Variants in VEPH1 observed in about 807,000 individuals in gnomAD.
VEPH1 encodes the protein ventricular zone expressed PH domain containing 1.
VEPH1 carries 80 observed loss-of-function variants against 85.2 expected under a neutral mutation model. The ratio of observed to expected loss-of-function variants is 0.94; its 90% CI spans 0.78 to 1.13. The LOEUF (loss-of-function observed/expected upper bound fraction) is 1.13, where lower values mean the gene tolerates loss of function less well. VEPH1 is among the 50% of genes most tolerant of loss of function. VEPH1 has a pLI of 0.00. For missense variants in VEPH1, 955 were observed against 980.5 expected (o/e 0.97, Z 0.35); for synonymous variants, 297 against 348.0 (o/e 0.85, Z 1.63).
At chr3:157,394,315 A>C (rs1272736074) in intron 6 of VEPH1, among the ~76,000 whole-genome samples, 1 of 152,248 alleles carries the variant, frequency 6.6e-6, no homozygotes, top group Non-Finnish European at 1.5e-5. Context: ...AGGCAAGTGC[A>C]ATAATATAGT....
intron 2 of VEPH1, among the ~76,000 whole-genome samples, chr3:157,472,535 T>C (rs1737062248): frequency 6.6e-6 from 1 of 152,208 alleles, no homozygotes; most frequent in South Asian, 2.1e-4. Flanking sequence ...ACTTTTATTT[T>C]AAGTTCAGGG....
chr3:157,438,571 G>C (rs1195437139), intron 4 of VEPH1, among the ~76,000 whole-genome samples: 2 of 152,120 alleles, frequency 1.3e-5, no homozygotes, highest in Non-Finnish European at 2.9e-5. Flanking sequence ...TGCGGTTTGG[G>C]ATTCAGCGTG....
intron 9 of VEPH1, among the ~76,000 whole-genome samples, chr3:157,339,566 A>T (rs2108639274): frequency 6.6e-6 from 1 of 152,222 alleles, no homozygotes; most frequent in South Asian, 2.1e-4. Context: ...TTCACTGGGG[A>T]CACCTCAACC....
At chr3:157,388,722 C>T (rs1483282961) in intron 6 of VEPH1, among the ~76,000 whole-genome samples, 11 of 151,902 alleles carry the variant, frequency 7.2e-5, no homozygotes, top group East Asian at 1.9e-4. Context: ...AACAATATAA[C>T]GATAAAAATA....
chr3:157,488,448 A>T (rs1738861459), intron 2 of VEPH1, among the ~76,000 whole-genome samples: 1 of 151,838 alleles, frequency 6.6e-6, no homozygotes, highest in Non-Finnish European at 1.5e-5. Context: ...CTTTCCTTGC[A>T]ACAGCTTATT....
chr3:157,313,525 A>G, intron 11 of VEPH1, 96 bp downstream of exon 11: 2 of 1,398,460 alleles, frequency 1.4e-6, no homozygotes. Flanking sequence ...AGGTAAACGA[A>G]AGAAGGATGA....
Position 157,292,720 on chromosome 3 carries a change from A to G in VEPH1, c.2011-6046T>C, listed in dbSNP as rs1366655447. Among the ~76,000 whole-genome samples, 3 of 150,786 alleles carry G rather than the reference A, an allele frequency of 2.0e-5. No homozygotes were observed. In the Admixed American group the frequency reaches 2.0e-4, roughly 10 times the overall value. On this transcript the variant is annotated intron_variant, in intron 11 of 13. Transcript: ENST00000362010. ...AAAAAGAGGCCGGGTGCAGTGGCTC[A>G]TGCCTGTAATCCCAGCACTTTGGGA... is the stretch of plus-strand genomic sequence containing the variant.
chr3:157,374,965 A>G (rs576753624), intron 7 of VEPH1, among the ~76,000 whole-genome samples: 2 of 152,358 alleles, frequency 1.3e-5, no homozygotes, highest in East Asian at 3.9e-4. Flanking sequence ...AAAAGAAGAA[A>G]TTAAGAGAAA....
chr3:157,347,250 A>G (rs1337457921), intron 9 of VEPH1, among the ~76,000 whole-genome samples: 7 of 152,244 alleles, frequency 4.6e-5, no homozygotes, highest in Non-Finnish European at 8.8e-5. Flanking sequence ...TGTGACTGTA[A>G]AATAAAAATT....
chr3:157,421,075 CATCTGGCAAGGA>C (rs1230172557), intron 5 of VEPH1, among the ~76,000 whole-genome samples: 3 of 152,160 alleles, frequency 2.0e-5, no homozygotes, highest in Non-Finnish European at 2.9e-5. Context: ...TGCCTCCTTC[CATCTGGCAAGGA>C]TAGTGTCCTG....
At chr3:157,276,080 AC>A (rs1448477683) in intron 12 of VEPH1, among the ~76,000 whole-genome samples, 1 of 152,188 alleles carries the variant, frequency 6.6e-6, no homozygotes, top group Non-Finnish European at 1.5e-5. Flanking sequence ...CAGTGAATAA[AC>A]CAGGAGGCAT....
Position 157,490,524 on chromosome 3 carries a change from G to T in VEPH1, c.138+4688C>A, listed in dbSNP as rs150172033. On this transcript the variant is annotated intron_variant, in intron 2 of 13. Coordinates refer to ENST00000362010, the MANE Select transcript of VEPH1 (RefSeq NM_001167912.2). Reference sequence around the variant, plus strand: ...ACAGCAAATAAGCATATGAAAAAATGGTCAACCTTGGTAATAATGAGAGGA... The same window carrying T: ...ACAGCAAATAAGCATATGAAAAAATTGTCAACCTTGGTAATAATGAGAGGA... Among the ~76,000 whole-genome samples, 20 of 152,056 alleles carry T rather than the reference G, an allele frequency of 1.3e-4. No individual in the cohort carries two copies. The East Asian group carries it at 3.7e-3, about 28-fold the overall frequency.
Position 157,420,122 on chromosome 3 carries a change from T to C in VEPH1, c.697-6032A>G, listed in dbSNP as rs145680663. On this transcript the variant is annotated intron_variant, in intron 5 of 13. Coordinates refer to ENST00000362010, the MANE Select transcript of VEPH1 (RefSeq NM_001167912.2). ...TCATTTATAAGTGGGAGGTGAACGA[T>C]GAGAATACAAGCATACGATATGGGA... Among the ~76,000 whole-genome samples, 5 of 147,534 alleles carry C rather than the reference T, an allele frequency of 3.4e-5. No individual in the cohort carries two copies. In the East Asian group the frequency reaches 1.0e-3, roughly 29 times the overall value.
At chr3:157,275,651 A>G (rs1715298035) in intron 12 of VEPH1, among the ~76,000 whole-genome samples, 1 of 152,148 alleles carries the variant, frequency 6.6e-6, no homozygotes, top group African/African-American at 2.4e-5. Context: ...ATATGTAGAT[A>G]TTGATTAGAT....
chr3:157,437,875 G>A (rs964444797), intron 4 of VEPH1: 2 of 1,503,166 alleles, frequency 1.3e-6, no homozygotes, highest in African/African-American at 1.4e-5. Context: ...CGACCTGCAC[G>A]CGGTGCAGGG....
chr3:157,393,728 T>C (rs1015413226), intron 6 of VEPH1, among the ~76,000 whole-genome samples: 1 of 152,156 alleles, frequency 6.6e-6, no homozygotes, highest in Non-Finnish European at 1.5e-5. Context: ...CTACCCCATC[T>C]CTCTTTCTTC....
At chr3:157,269,924 A>G (rs1714318190) in intron 12 of VEPH1, among the ~76,000 whole-genome samples, 1 of 151,908 alleles carries the variant, frequency 6.6e-6, no homozygotes, top group Admixed American at 6.6e-5. Context: ...TCACTTTCCA[A>G]TTAACACATT....
intron 9 of VEPH1, among the ~76,000 whole-genome samples, chr3:157,360,097 TA>T (rs1725879795): frequency 6.6e-6 from 1 of 152,174 alleles, no homozygotes; most frequent in Admixed American, 6.5e-5. Flanking sequence ...CTTTTTTAAA[TA>T]AGATTTTAAG....
At chr3:157,268,297 C>G (rs1345900347) in intron 12 of VEPH1, among the ~76,000 whole-genome samples, 1 of 152,074 alleles carries the variant, frequency 6.6e-6, no homozygotes, top group East Asian at 1.9e-4. Context: ...GGGCTAGAGC[C>G]TCAGTAAATG....
Sources: gnomAD v4.1 joint callset for allele counts (sites outside exome capture counted in the v4.1 genomes callset) on GRCh38, gnomAD v4.1.1 for gene constraint, MANE v1.5 for transcripts, NCBI Gene and HGNC (gene_info 2026-07-23, HGNC 2026-07-21) for gene names.